The following PPM1E variants were observed in gnomAD, a reference collection of about 807,000 sequenced individuals.
PPM1E encodes protein phosphatase, Mg2+/Mn2+ dependent 1E.
A neutral mutation model predicts 65.9 loss-of-function variants in PPM1E; 20 were observed. The observed-to-expected ratio is 0.30, with a 90% confidence interval of 0.21 to 0.44. The LOEUF (loss-of-function observed/expected upper bound fraction) is 0.44, where lower values mean the gene tolerates loss of function less well. Ranked by LOEUF, PPM1E falls within the 20% of genes least tolerant of loss-of-function variation. The pLI is 1.00. For missense variants in PPM1E, 713 were observed against 953.1 expected (o/e 0.75, Z 3.32); for synonymous variants, 352 against 374.9 (o/e 0.94, Z 0.70).
At chr17:58,765,940 G>T (rs571991473) in intron 1 of PPM1E, among the ~76,000 whole-genome samples, 1 of 149,296 alleles carries the variant, frequency 6.7e-6, no homozygotes, top group African/African-American at 2.5e-5. Flanking sequence ...GAGTGCAGTG[G>T]CCCAGTCTCG....
rs531288874 is a variant in PPM1E, at chr17:58,756,282, T to G, written c.285T>G (p.Gly95=). ...PEPEEEAAVE[G]EEEEEGAATA... ...CCGAGGAGGAGGCGGCGGTTGAGGG[T>G]GAGGAGGAGGAGGAGGGCGCGGCGA... Residue 95 remains glycine, a synonymous_variant, in exon 1 of 7, where the codon GGT becomes GGG. Coordinates refer to ENST00000308249, the MANE Select transcript of PPM1E (RefSeq NM_014906.5). 19 of 1,540,006 alleles carry G rather than the reference T, an allele frequency of 1.2e-5. No individual in the cohort carries two copies. In the African/African-American group the frequency reaches 1.9e-4, roughly 16 times the overall value.
rs201237515 is a variant in PPM1E at position 58,832,367 on chromosome 17, T to TA, written c.464+75915dup. Reference sequence around the variant, plus strand: ...ATTTTCTTTTGAAATATTGTTGTGATAAAAAAAAATAAACCTAGCACTCCT... The same window carrying TA: ...ATTTTCTTTTGAAATATTGTTGTGATAAAAAAAAAATAAACCTAGCACTCCT... On this transcript the variant is annotated intron_variant, in intron 1 of 6. Coordinates refer to ENST00000308249, the MANE Select transcript of PPM1E (RefSeq NM_014906.5). Among the ~76,000 whole-genome samples the TA allele has an allele frequency of 8.5e-3, 1,288 of 151,020 alleles. 6 individuals carry two copies. Among genetic ancestry groups the TA allele is most frequent in the Non-Finnish European group, 0.014 (940 of 67,696 alleles).
chr17:58,970,869 G>A (rs2030561045), intron 4 of PPM1E, among the ~76,000 whole-genome samples: 1 of 151,956 alleles, frequency 6.6e-6, no homozygotes, highest in African/African-American at 2.4e-5. Flanking sequence ...GCCCCTGAGA[G>A]GTGACCCGTA....
chr17:58,805,966 A>C (rs1598582230), intron 1 of PPM1E, among the ~76,000 whole-genome samples: 1 of 114,162 alleles, frequency 8.8e-6, no homozygotes, highest in Non-Finnish European at 1.7e-5. Context: ...AAAAACAAAA[A>C]AAAAAAACAA....
intron 1 of PPM1E, among the ~76,000 whole-genome samples, chr17:58,816,724 G>T (rs1359425233): frequency 7.8e-6 from 1 of 128,468 alleles, no homozygotes. Flanking sequence ...GCATGTTGTA[G>T]CATGTATCAG....
Position 58,968,657 on chromosome 17 carries a change from C to T in PPM1E, c.784-882C>T, listed in dbSNP as rs556613451. ...ATTACATACTGTTGCCTGAAGGGAG[C>T]TCAGGACTCAGTGCGAGTTCAGTGC... On this transcript the variant is annotated intron_variant, in intron 3 of 6. Transcript: ENST00000308249. Among the ~76,000 whole-genome samples the T allele has an allele frequency of 2.0e-5, 3 of 152,276 alleles. No homozygotes were observed. The South Asian group carries it at 6.2e-4, about 32-fold the overall frequency.
chr17:58,893,510 G>A (rs2051373978), intron 1 of PPM1E, among the ~76,000 whole-genome samples: 1 of 152,120 alleles, frequency 6.6e-6, no homozygotes, highest in Non-Finnish European at 1.5e-5. Flanking sequence ...CTATTCTGTA[G>A]AATGCTATAA....
At chr17:58,883,292 G>A (rs944876453) in intron 1 of PPM1E, among the ~76,000 whole-genome samples, 1 of 151,656 alleles carries the variant, frequency 6.6e-6, no homozygotes, top group Non-Finnish European at 1.5e-5. Flanking sequence ...AAGTTTTTCT[G>A]TGTGTGCTGA....
chr17:58,808,344 T>C (rs1194460737), intron 1 of PPM1E, among the ~76,000 whole-genome samples: 1 of 152,226 alleles, frequency 6.6e-6, no homozygotes, highest in Non-Finnish European at 1.5e-5. Context: ...TATGTCTTGT[T>C]GGGATTGTTA....
At chr17:58,777,911 A>G (rs965547413) in intron 1 of PPM1E, among the ~76,000 whole-genome samples, 1 of 152,172 alleles carries the variant, frequency 6.6e-6, no homozygotes, top group Admixed American at 6.6e-5. Flanking sequence ...GGCAAAATAT[A>G]CATCACTTAT....
chr17:58,805,994 A>AAAAAAAAAC (rs2050309599), intron 1 of PPM1E, among the ~76,000 whole-genome samples: 1 of 118,290 alleles, frequency 8.5e-6, no homozygotes, highest in Non-Finnish European at 1.7e-5. Flanking sequence ...ACAAAACAAA[A>AAAAAAAAAC]CAAAACAAAA....
chr17:58,842,441 G>A lies in PPM1E; in HGVS notation c.464+85980G>A, dbSNP rs868004299. Reference sequence around the variant, plus strand: ...ACTAACATAAGCTGTTAATAATAGGGGAAAATGGAAAATGTGTGTGTATGT... The same window carrying A: ...ACTAACATAAGCTGTTAATAATAGGAGAAAATGGAAAATGTGTGTGTATGT... On this transcript the variant is annotated intron_variant, in intron 1 of 6. Transcript: ENST00000308249. Among the ~76,000 whole-genome samples the A allele has an allele frequency of 2.6e-5, 4 of 152,290 alleles. No homozygotes were observed. In the South Asian group the frequency reaches 8.3e-4, roughly 32 times the overall value.
chr17:58,759,576 A>G (rs1435745099), intron 1 of PPM1E, among the ~76,000 whole-genome samples: 1 of 152,052 alleles, frequency 6.6e-6, no homozygotes, highest in Non-Finnish European at 1.5e-5. Context: ...TTTTCTTTCC[A>G]TTTTTTACCA....
intron 1 of PPM1E, among the ~76,000 whole-genome samples, chr17:58,829,765 T>TA (rs895972359): frequency 3.9e-5 from 6 of 152,128 alleles, no homozygotes; most frequent in Non-Finnish European, 8.8e-5. Flanking sequence ...TTAGTGAGCT[T>TA]AAAAAAACAA....
chr17:58,819,863 C>G (rs150133787), intron 1 of PPM1E, among the ~76,000 whole-genome samples: 99 of 151,968 alleles, frequency 6.5e-4, no homozygotes, highest in African/African-American at 2.2e-3. Flanking sequence ...ATGGTGAAAC[C>G]CTGTCTCTAC....
At position 58,877,979 on chromosome 17, in the gene PPM1E, TAA is replaced by T. The variant is rs555008507; in HGVS notation, c.465-77659_465-77658del. Among the ~76,000 whole-genome samples the T allele has an allele frequency of 9.6e-3, 1,294 of 135,494 alleles. 19 individuals are homozygous for T. Among genetic ancestry groups the T allele is most frequent in the African/African-American group, 0.032 (1,206 of 37,296 alleles). The allele number at this position is 135,494 out of a possible 152,430, so 88.9% of individuals were successfully genotyped here. A position where few individuals can be genotyped will look rare whatever the true frequency, so the allele number is the denominator to read the frequency against. ...CTCAGTGAAGCTGTTCTTTAAAAAG[TAA>T]AAAAAAAAAATTATGGTTCTGTTTA... On this transcript the variant is annotated intron_variant, in intron 1 of 6. Coordinates refer to ENST00000308249, the MANE Select transcript of PPM1E (RefSeq NM_014906.5).
intron 1 of PPM1E, among the ~76,000 whole-genome samples, chr17:58,904,250 A>G (rs1241466558): frequency 1.3e-5 from 2 of 152,190 alleles, no homozygotes; most frequent in Non-Finnish European, 2.9e-5. Flanking sequence ...TATCATCTTT[A>G]TTTGCCAGAT....
At chr17:58,870,386 A>G (rs1160752812) in intron 1 of PPM1E, among the ~76,000 whole-genome samples, 1 of 152,158 alleles carries the variant, frequency 6.6e-6, no homozygotes, top group African/African-American at 2.4e-5. Context: ...TATGTTTGTT[A>G]TATGGGTATA....
intron 1 of PPM1E, among the ~76,000 whole-genome samples, chr17:58,820,869 GACAA>G (rs1424587952): frequency 7.2e-5 from 11 of 152,168 alleles, no homozygotes; most frequent in African/African-American, 2.2e-4. Context: ...ACTAATTTTA[GACAA>G]ACAGATTGCT....
Sources: gnomAD v4.1 joint callset for allele counts (sites outside exome capture counted in the v4.1 genomes callset) on GRCh38, gnomAD v4.1.1 for gene constraint, MANE v1.5 for transcripts, NCBI Gene and HGNC (gene_info 2026-07-23, HGNC 2026-07-21) for gene names.